The following FOXD4L3 variants were observed in gnomAD, a reference collection of about 807,000 sequenced individuals.
FOXD4L3 encodes forkhead box protein D4-like 3.
For missense variants in FOXD4L3, 44 were observed against 545.5 expected (o/e 0.08, Z 9.16); for synonymous variants, 26 against 242.4 (o/e 0.11, Z 8.29).
In FOXD4L3 at chr9:68,304,460, A is replaced by G; in HGVS notation, c.*255A>G. The G allele has an allele frequency of 1.8e-5, 2 of 111,936 alleles. No homozygotes were observed. The highest frequency in any genetic ancestry group is 7.1e-5 in the South Asian group (1 of 14,124). 6.9% of individuals were successfully genotyped at this position (111,936 alleles called of 1,614,324 possible). A position where few individuals can be genotyped will look rare whatever the true frequency, so the allele number is the denominator to read the frequency against. ...AACTTCTGTTCGCTGCAAAATGGTTAGAAAGAAACAGCTGGATTACGTTCC... is the reference window on the plus strand; with the variant it reads ...AACTTCTGTTCGCTGCAAAATGGTTGGAAAGAAACAGCTGGATTACGTTCC... On this transcript the variant is annotated 3_prime_UTR_variant, in exon 1 of 1. Coordinates refer to ENST00000342833, the MANE Select transcript of FOXD4L3 (RefSeq NM_199135.4).
Position 68,304,111 on chromosome 9 carries a change from G to T in FOXD4L3, c.1160G>T (p.Ser387Ile). Residue 387 changes from serine (S) to isoleucine (I), a missense_variant, in exon 1 of 1, where the codon AGC (serine) becomes ATC (isoleucine). By Grantham distance (142) the Ser-to-Ile change is moderately radical. Coordinates refer to ENST00000342833, the MANE Select transcript of FOXD4L3 (RefSeq NM_199135.4). ...CTGCTCGGACAATTTTGCAGCAATA[G>T]CAGCAGCATCAGGAGGAGGACTGCG... ...PPLLGQFCSN[S>I]SSIRRRTAPT... 6.2e-7 allele frequency: 1 copy of T among 1,608,842 alleles called. No individual in the cohort carries two copies. Among genetic ancestry groups the T allele is most frequent in the Non-Finnish European group, 8.5e-7 (1 of 1,178,046 alleles).
Position 68,304,154 on chromosome 9 carries a change from A to G in FOXD4L3, c.1203A>G (p.Pro401=). 7 of 1,595,940 alleles carry G rather than the reference A, an allele frequency of 4.4e-6. No homozygotes were observed. The highest frequency in any genetic ancestry group is 6.0e-6 in the Non-Finnish European group (7 of 1,168,970). Residue 401 remains proline, a synonymous_variant, in exon 1 of 1, where the codon CCA becomes CCG. Coordinates refer to ENST00000342833, the MANE Select transcript of FOXD4L3 (RefSeq NM_199135.4). ...RRRTAPTAAL[P]PRARCWAGTC... ...GGACTGCGCCAACGGCTGCGCTCCC[A>G]CCAAGGGCGCGGTGCTGGGCGGGCA...
chr9:68,304,360 C>A lies in FOXD4L3; in HGVS notation c.*155C>A. The A allele has an allele frequency of 1.4e-6, 2 of 1,410,060 alleles. No homozygotes were observed. Among genetic ancestry groups the A allele is most frequent in the Admixed American group, 2.5e-5 (1 of 40,292 alleles). The allele number at this position is 1,410,060 out of a possible 1,614,324, so 87.3% of individuals were successfully genotyped here. A position where few individuals can be genotyped will look rare whatever the true frequency, so the allele number is the denominator to read the frequency against. ...AGAGCCAGGTGGGAGTGGGGAGCGA[C>A]CCGCAGCTGCTCACTCCACCTTGCG... On this transcript the variant is annotated 3_prime_UTR_variant, in exon 1 of 1. Coordinates refer to ENST00000342833, the MANE Select transcript of FOXD4L3 (RefSeq NM_199135.4).
rs1160417788 is a variant in FOXD4L3 at position 68,304,446 on chromosome 9, G to A, written c.*241G>A. 1.8e-6 allele frequency: 2 copies of A among 1,109,928 alleles called. No homozygotes were observed. Among genetic ancestry groups the A allele is most frequent in the Non-Finnish European group, 2.6e-6 (2 of 765,750 alleles). The allele number at this position is 1,109,928 out of a possible 1,614,324, so 68.8% of individuals were successfully genotyped here. A position where few individuals can be genotyped will look rare whatever the true frequency, so the allele number is the denominator to read the frequency against. On this transcript the variant is annotated 3_prime_UTR_variant, in exon 1 of 1. Transcript: ENST00000342833. ...GGAGAGCAAACACGAACTTCTGTTC[G>A]CTGCAAAATGGTTAGAAAGAAACAG...
Sources: gnomAD v4.1 joint callset for allele counts on GRCh38, gnomAD v4.1.1 for gene constraint, MANE v1.5 for transcripts, NCBI Gene and HGNC (gene_info 2026-07-23, HGNC 2026-07-21) for gene names.